The following CDH13 variants were observed in gnomAD, a reference collection of about 807,000 sequenced individuals.
The protein encoded by CDH13 is cadherin-13.
CDH13 carries 24 observed loss-of-function variants against 63.8 expected under a neutral mutation model. That is an observed-to-expected ratio of 0.38 (90% CI 0.27 to 0.53). The LOEUF (loss-of-function observed/expected upper bound fraction) is 0.53, where lower values mean the gene tolerates loss of function less well. Among genes scored for constraint, CDH13 ranks in the 20% least tolerant of loss-of-function variants. CDH13 has a pLI of 0.85. For missense variants in CDH13, 1,049 were observed against 903.1 expected (o/e 1.16, Z -2.07); for synonymous variants, 503 against 355.3 (o/e 1.42, Z -4.67).
intron 3 of CDH13, among the ~76,000 whole-genome samples, chr16:83,114,949 T>A (rs2035225809): frequency 6.6e-6 from 1 of 152,222 alleles, no homozygotes. Context: ...CTTCTGCAGT[T>A]CCATTCATTT....
chr16:83,261,302 A>T (rs1272662560), intron 5 of CDH13, among the ~76,000 whole-genome samples: 1 of 152,152 alleles, frequency 6.6e-6, no homozygotes, highest in Non-Finnish European at 1.5e-5. Flanking sequence ...CATTACCGAT[A>T]CGTTAACTTC....
chr16:83,751,470 A>C (rs1004329395), intron 11 of CDH13, among the ~76,000 whole-genome samples: 1 of 152,046 alleles, frequency 6.6e-6, no homozygotes, highest in Non-Finnish European at 1.5e-5. Flanking sequence ...AAAAAGAAAG[A>C]TACATCCTAT....
chr16:83,791,210 A>G (rs1480990198), intron 13 of CDH13, among the ~76,000 whole-genome samples: 1 of 152,162 alleles, frequency 6.6e-6, no homozygotes, highest in Non-Finnish European at 1.5e-5. Flanking sequence ...ATTAAATAAA[A>G]TGTGGACCAG....
chr16:83,164,652 G>A (rs185150910), intron 4 of CDH13, among the ~76,000 whole-genome samples: 18 of 150,998 alleles, frequency 1.2e-4, no homozygotes, highest in South Asian at 2.1e-4. Context: ...CTTGGGAGGC[G>A]GAGGTTGCAG....
intron 6 of CDH13, among the ~76,000 whole-genome samples, chr16:83,394,701 G>A (rs1284680366): frequency 1.3e-5 from 2 of 152,190 alleles, no homozygotes; most frequent in Non-Finnish European, 2.9e-5. Flanking sequence ...GAGAACAAAA[G>A]CAAGGCAGCC....
chr16:82,842,122 A>ATATATATATATATG (rs2039045225), intron 1 of CDH13, among the ~76,000 whole-genome samples: 1 of 47,300 alleles, frequency 2.1e-5, no homozygotes, highest in African/African-American at 7.1e-5. Context: ...GTATATATAT[A>ATATATATATATATG]TATATATATA....
chr16:83,070,652 C>T (rs569401207), intron 3 of CDH13, among the ~76,000 whole-genome samples: 1 of 152,224 alleles, frequency 6.6e-6, no homozygotes, highest in South Asian at 2.1e-4. Flanking sequence ...TGTGACTGGA[C>T]AATGCTGAGA....
chr16:83,765,430 T>A (rs1169218664), intron 11 of CDH13, among the ~76,000 whole-genome samples: 1 of 152,212 alleles, frequency 6.6e-6, no homozygotes, highest in Non-Finnish European at 1.5e-5. Context: ...ATTATGTGGA[T>A]AATTGCTTCA....
chr16:83,033,507 C>T (rs1018714042), intron 3 of CDH13, among the ~76,000 whole-genome samples: 3 of 152,158 alleles, frequency 2.0e-5, no homozygotes, highest in Middle Eastern at 3.4e-3. Context: ...TATATATGCG[C>T]ATATACTGTG....
chr16:82,944,877 A>T (rs1034113181), intron 2 of CDH13, among the ~76,000 whole-genome samples: 8 of 152,234 alleles, frequency 5.3e-5, no homozygotes, highest in African/African-American at 1.9e-4. Context: ...TATTAGGTAA[A>T]GCAGGTATAT....
intron 5 of CDH13, among the ~76,000 whole-genome samples, chr16:83,291,777 T>C (rs961013470): frequency 6.6e-6 from 1 of 152,198 alleles, no homozygotes; most frequent in East Asian, 1.9e-4. Context: ...CTGGGACTTT[T>C]GCCTGAATTA....
intron 6 of CDH13, among the ~76,000 whole-genome samples, chr16:83,360,012 TAGAG>T (rs1213945887): frequency 1.3e-5 from 2 of 152,222 alleles, no homozygotes; most frequent in African/African-American, 4.8e-5. Context: ...GGGCATTTCA[TAGAG>T]AGAGAGTACA....
intron 3 of CDH13, among the ~76,000 whole-genome samples, chr16:83,059,078 G>A (rs927238216): frequency 2.0e-5 from 3 of 152,158 alleles, no homozygotes; most frequent in African/African-American, 7.2e-5. Flanking sequence ...GTGGTCCCAG[G>A]AAGCAGAAGT....
chr16:83,770,042 TC>T (rs1366858787), intron 11 of CDH13, among the ~76,000 whole-genome samples: 27 of 152,106 alleles, frequency 1.8e-4, no homozygotes, highest in Non-Finnish European at 3.5e-4. Context: ...GGCATGCAAT[TC>T]CCGTCAACCC....
At chr16:83,424,620 C>CA (rs1194897402) in intron 6 of CDH13, among the ~76,000 whole-genome samples, 6 of 151,958 alleles carry the variant, frequency 3.9e-5, no homozygotes, top group Non-Finnish European at 8.8e-5. Flanking sequence ...TAAGCCCCCT[C>CA]AAAAATAAAA....
At chr16:83,691,766 C>T (rs7200481) in intron 10 of CDH13, among the ~76,000 whole-genome samples, 60,792 of 151,908 alleles carry the variant, frequency 0.4, 12,513 homozygotes, top group African/African-American at 0.46. Context: ...CATCTCCTGT[C>T]TTCTTTCACT....
chr16:82,991,666 G>T (rs1231481861), intron 2 of CDH13, among the ~76,000 whole-genome samples: 1 of 152,154 alleles, frequency 6.6e-6, no homozygotes, highest in Non-Finnish European at 1.5e-5. Flanking sequence ...TGAAAGCATG[G>T]TAATCTCAAG....
At chr16:82,859,557 C>G (rs922915607) in intron 2 of CDH13, 1 of 144,840 alleles carries the variant, frequency 6.9e-6, no homozygotes, top group Non-Finnish European at 1.5e-5. Flanking sequence ...GACTGTGTCT[C>G]AAAAAAGAAA....
intron 5 of CDH13, among the ~76,000 whole-genome samples, chr16:83,288,160 GT>G (rs1192826966): frequency 6.6e-6 from 1 of 152,166 alleles, no homozygotes; most frequent in East Asian, 1.9e-4. Context: ...TGATTACTGA[GT>G]TTTTTGGTGC....
Sources: gnomAD v4.1 joint callset for allele counts (sites outside exome capture counted in the v4.1 genomes callset) on GRCh38, gnomAD v4.1.1 for gene constraint, MANE v1.5 for transcripts, NCBI Gene and HGNC (gene_info 2026-07-23, HGNC 2026-07-21) for gene names.